The following FGF12 variants were observed in gnomAD, a reference collection of about 807,000 sequenced individuals.
FGF12 encodes the protein fibroblast growth factor 12B.
In FGF12, 14 loss-of-function variants were observed where a neutral mutation model predicts 23.6. The observed-to-expected ratio is 0.59, with a 90% CI of 0.39 to 0.93. The LOEUF (loss-of-function observed/expected upper bound fraction) is 0.93, where lower values mean the gene tolerates loss of function less well. Among genes scored for constraint, FGF12 ranks in the 40% least tolerant of loss-of-function variants. The probability of loss-of-function intolerance (pLI) is 0.00; values close to 1 mark genes in which losing one functional copy is unlikely to be tolerated. For missense variants in FGF12, 175 were observed against 217.8 expected, an observed-to-expected ratio of 0.80 and a Z score of 1.24; for synonymous variants, 62 against 77.3, an observed-to-expected ratio of 0.80 and a Z score of 1.04.
chr3:192,405,360 C>T (rs896658376), intron 2 of FGF12, among the ~76,000 whole-genome samples: 5 of 151,254 alleles, frequency 3.3e-5, no homozygotes, highest in African/African-American at 1.2e-4. Context: ...AGGAGAGATA[C>T]TCAATGTGTC....
At chr3:192,470,890 G>A (rs935883779) in intron 2 of FGF12, among the ~76,000 whole-genome samples, 4 of 152,066 alleles carry the variant, frequency 2.6e-5, no homozygotes, top group Admixed American at 2.0e-4. Context: ...TGACCCTTCT[G>A]TCTTCACTCT....
At chr3:192,590,007 G>A (rs1713554492) in intron 2 of FGF12, among the ~76,000 whole-genome samples, 1 of 151,692 alleles carries the variant, frequency 6.6e-6, no homozygotes, top group Non-Finnish European at 1.5e-5. Flanking sequence ...ACACAGATGA[G>A]AAAAAAATGA....
At chr3:192,439,785 G>A (rs778152064) in intron 2 of FGF12, among the ~76,000 whole-genome samples, 8 of 152,096 alleles carry the variant, frequency 5.3e-5, no homozygotes, top group African/African-American at 9.7e-5. Context: ...GACCAGCCTG[G>A]CAAAGATGGT....
At chr3:192,398,306 T>A (rs1229788674) in intron 2 of FGF12, among the ~76,000 whole-genome samples, 1 of 152,078 alleles carries the variant, frequency 6.6e-6, no homozygotes, top group Non-Finnish European at 1.5e-5. Context: ...ATGTTCCCAG[T>A]CACAAATGTT....
chr3:192,293,449 G>A (rs1851376), intron 4 of FGF12, among the ~76,000 whole-genome samples: 55,981 of 151,862 alleles, frequency 0.37, 11,354 homozygotes, highest in East Asian at 0.87. Flanking sequence ...CCTTTCCATC[G>A]TCACATCCTC....
rs539256467 is a variant in FGF12 at position 192,221,305 on chromosome 3, G to C, written c.229-50649C>G. Among the ~76,000 whole-genome samples, 3 of 152,194 alleles carry C rather than the reference G, an allele frequency of 2.0e-5. No homozygotes were observed. The South Asian group carries it at 6.2e-4, about 32-fold the overall frequency. ...TTCTCACCTTAAAGCCACAAATTCTGCACATTCTCTTAGGCTCTTATATGC... is the reference window on the plus strand; with the variant it reads ...TTCTCACCTTAAAGCCACAAATTCTCCACATTCTCTTAGGCTCTTATATGC... On this transcript the variant is annotated intron_variant, in intron 4 of 5. Transcript: ENST00000445105.
chr3:192,198,341 T>C (rs921633687), intron 4 of FGF12, among the ~76,000 whole-genome samples: 2 of 152,130 alleles, frequency 1.3e-5, no homozygotes, highest in African/African-American at 4.8e-5. Flanking sequence ...TTTCATTGCT[T>C]TAGTTAATAT....
chr3:192,578,161 C>T (rs761983798), intron 2 of FGF12, among the ~76,000 whole-genome samples: 49 of 152,270 alleles, frequency 3.2e-4, no homozygotes, highest in Non-Finnish European at 6.0e-4. Context: ...TGTGTAATAT[C>T]AAATTAATAC....
rs546122605 is a variant in FGF12, at chr3:192,302,015, C to A, written c.228+33346G>T. ...GAAGAGAATAAGAGAAACCCTATTT[C>A]ATTTTAATATTTACCAAGAATCCAA... is the stretch of plus-strand genomic sequence containing the variant. On this transcript the variant is annotated intron_variant, in intron 4 of 5. Coordinates refer to ENST00000445105, the MANE Select transcript of FGF12 (RefSeq NM_004113.6). Among the ~76,000 whole-genome samples, 3 of 152,280 alleles carry A rather than the reference C, an allele frequency of 2.0e-5. No homozygotes were observed. In the South Asian group the frequency reaches 6.2e-4, roughly 32 times the overall value.
intron 4 of FGF12, among the ~76,000 whole-genome samples, chr3:192,274,114 C>T (rs1244907341): frequency 6.6e-6 from 1 of 151,582 alleles, no homozygotes; most frequent in Admixed American, 6.6e-5. Flanking sequence ...TTTAAAGGTA[C>T]TGCTAAAGAA....
At chr3:192,504,073 C>T (rs988565042) in intron 2 of FGF12, among the ~76,000 whole-genome samples, 11 of 151,740 alleles carry the variant, frequency 7.2e-5, no homozygotes, top group African/African-American at 1.7e-4. Flanking sequence ...TTATCCTAAG[C>T]GAACTAACAC....
At position 192,429,355 on chromosome 3, in the gene FGF12, G is replaced by A. The variant is rs188048482; in HGVS notation, c.14-68817C>T. On this transcript the variant is annotated intron_variant, in intron 2 of 5. Coordinates refer to ENST00000445105, the MANE Select transcript of FGF12 (RefSeq NM_004113.6). Reference sequence around the variant, plus strand: ...GAAGGAGGAGCTTGTCCTCTATACTGCAGTATTTTGGAAAAAGAAGTGGAC... The same window carrying A: ...GAAGGAGGAGCTTGTCCTCTATACTACAGTATTTTGGAAAAAGAAGTGGAC... Among the ~76,000 whole-genome samples the A allele has an allele frequency of 2.6e-5, 4 of 152,218 alleles. No individual in the cohort carries two copies. In the East Asian group the frequency reaches 7.7e-4, roughly 29 times the overall value.
chr3:192,561,083 T>C (rs1711998645), intron 2 of FGF12, among the ~76,000 whole-genome samples: 1 of 152,048 alleles, frequency 6.6e-6, no homozygotes, highest in African/African-American at 2.4e-5. Flanking sequence ...TTATCTGATA[T>C]GCCCAGAACA....
chr3:192,531,292 A>ACT (rs1242092176), intron 2 of FGF12, among the ~76,000 whole-genome samples: 3 of 152,144 alleles, frequency 2.0e-5, no homozygotes, highest in Non-Finnish European at 4.4e-5. Flanking sequence ...CACAAGAAAC[A>ACT]CTTGAGAGCT....
chr3:192,388,876 C>A (rs536650619), intron 2 of FGF12, among the ~76,000 whole-genome samples: 2 of 151,848 alleles, frequency 1.3e-5, no homozygotes, highest in Admixed American at 6.6e-5. Context: ...CAAAAACTTT[C>A]ACTATGTCTT....
intron 5 of FGF12, among the ~76,000 whole-genome samples, chr3:192,163,952 T>C (rs114640076): frequency 0.069 from 10,533 of 152,108 alleles, 435 homozygotes; most frequent in African/African-American, 0.11. Flanking sequence ...CTCAAATGAT[T>C]CTTAGTTATC....
intron 2 of FGF12, among the ~76,000 whole-genome samples, chr3:192,388,435 T>C (rs2140922): frequency 0.041 from 6,256 of 152,226 alleles, 418 homozygotes; most frequent in African/African-American, 0.14. Flanking sequence ...TTATAGAGGT[T>C]GACATATGTT....
intron 2 of FGF12, among the ~76,000 whole-genome samples, chr3:192,704,254 T>G (rs1718395198): frequency 6.6e-6 from 1 of 152,174 alleles, no homozygotes; most frequent in African/African-American, 2.4e-5. Context: ...GATCCATAGC[T>G]ATTTGATCCA....
At chr3:192,450,805 T>C (rs1012853333) in intron 2 of FGF12, among the ~76,000 whole-genome samples, 10 of 152,326 alleles carry the variant, frequency 6.6e-5, no homozygotes, top group Admixed American at 4.6e-4. Context: ...AAATTTAAAA[T>C]AGAGTGGAAA....
Sources: gnomAD v4.1 joint callset for allele counts (sites outside exome capture counted in the v4.1 genomes callset) on GRCh38, gnomAD v4.1.1 for gene constraint, MANE v1.5 for transcripts, NCBI Gene and HGNC (gene_info 2026-07-23, HGNC 2026-07-21) for gene names.